MAST4: variants seen among roughly 807,000 people sequenced by gnomAD.
MAST4 encodes the protein microtubule-associated serine/threonine-protein kinase 4.
A neutral mutation model predicts 162.7 loss-of-function variants in MAST4; 89 were observed. The ratio of observed to expected loss-of-function variants is 0.55; its 90% CI spans 0.46 to 0.65. MAST4 has a LOEUF of 0.65. Among genes scored for constraint, MAST4 ranks in the 30% least tolerant of loss-of-function variants. MAST4 has a pLI of 0.00. For synonymous variants in MAST4, 1,479 were observed against 1,361.1 expected (o/e 1.09, Z -1.91); for missense variants, 3,153 against 3,374.0 (o/e 0.93, Z 1.62).
chr5:66,920,706 G>A (rs1764477421), intron 4 of MAST4, among the ~76,000 whole-genome samples: 2 of 152,044 alleles, frequency 1.3e-5, no homozygotes, highest in African/African-American at 4.8e-5. Flanking sequence ...GGTCAGGCTG[G>A]CCTCGAACTC....
chr5:66,877,627 C>T (rs1761394860), intron 3 of MAST4, among the ~76,000 whole-genome samples: 1 of 152,208 alleles, frequency 6.6e-6, no homozygotes. Flanking sequence ...GCATTCGCAA[C>T]TGCTTCCTCT....
At chr5:66,928,680 CT>C (rs1765081620) in intron 4 of MAST4, among the ~76,000 whole-genome samples, 1 of 152,112 alleles carries the variant, frequency 6.6e-6, no homozygotes, top group African/African-American at 2.4e-5. Flanking sequence ...ATAGATGCAC[CT>C]TCAGAGCACA....
intron 5 of MAST4, among the ~76,000 whole-genome samples, chr5:67,087,574 T>C (rs1180967246): frequency 1.3e-5 from 2 of 152,094 alleles, no homozygotes; most frequent in Non-Finnish European, 2.9e-5. Context: ...AGTCACCTTC[T>C]GTTTCTCCTC....
rs114492274 is a variant in MAST4, at chr5:66,936,161, G to T, written c.674+36179G>T. On this transcript the variant is annotated intron_variant, in intron 4 of 28. Coordinates refer to ENST00000403625, the MANE Select transcript of MAST4 (RefSeq NM_001164664.2). ...TTGTGTTATTCTGGTTTCAAAACGA[G>T]AAAGTGTGAATTTGCGTTGGGCAGG... 1.8e-3 allele frequency among the ~76,000 whole-genome samples: 268 copies of T among 152,324 alleles called. 1 individual carries two copies. The highest frequency in any genetic ancestry group is 6.2e-3 in the African/African-American group (259 of 41,578).
intron 1 of MAST4, among the ~76,000 whole-genome samples, chr5:66,712,019 A>C (rs573787895): frequency 2.0e-5 from 3 of 152,226 alleles, no homozygotes; most frequent in Non-Finnish European, 4.4e-5. Context: ...TCAGATTGCC[A>C]TACCTGTTGT....
intron 1 of MAST4, among the ~76,000 whole-genome samples, chr5:66,627,012 G>A (rs1348461065): frequency 6.6e-6 from 1 of 152,050 alleles, no homozygotes; most frequent in Non-Finnish European, 1.5e-5. Flanking sequence ...AAGATAGGAG[G>A]TTTGTATTAG....
chr5:66,990,468 C>G (rs1421090161), intron 4 of MAST4, among the ~76,000 whole-genome samples: 1 of 152,130 alleles, frequency 6.6e-6, no homozygotes, highest in African/African-American at 2.4e-5. Context: ...GAGACCTCGT[C>G]TCTACATAGA....
chr5:66,738,488 C>T (rs987386658), intron 1 of MAST4, among the ~76,000 whole-genome samples: 4 of 152,206 alleles, frequency 2.6e-5, no homozygotes, highest in African/African-American at 9.6e-5. Flanking sequence ...CTCTTCTAGC[C>T]TCTGGGGATT....
chr5:66,846,654 C>G (rs1385364169), intron 3 of MAST4, among the ~76,000 whole-genome samples: 1 of 152,082 alleles, frequency 6.6e-6, no homozygotes, highest in Non-Finnish European at 1.5e-5. Flanking sequence ...CTGGAACATT[C>G]TCTTGAAGGC....
intron 4 of MAST4, among the ~76,000 whole-genome samples, chr5:67,008,904 G>C (rs1483769449): frequency 1.3e-5 from 2 of 152,164 alleles, no homozygotes; most frequent in Non-Finnish European, 2.9e-5. Flanking sequence ...TACATCTGTA[G>C]TGTTTGATGA....
chr5:67,062,577 A>G (rs569520604), intron 5 of MAST4, among the ~76,000 whole-genome samples: 8 of 152,266 alleles, frequency 5.3e-5, no homozygotes, highest in African/African-American at 1.9e-4. Context: ...CAAGGCAATG[A>G]CCTCCTTTAG....
intron 4 of MAST4, among the ~76,000 whole-genome samples, chr5:67,022,520 G>A (rs1271632074): frequency 1.3e-5 from 2 of 152,060 alleles, no homozygotes; most frequent in African/African-American, 2.4e-5. Context: ...TCCCTCATGT[G>A]GAACTTGGGA....
chr5:67,139,704 A>T lies in MAST4; in HGVS notation c.2495-2411A>T, dbSNP rs146195256. Among the ~76,000 whole-genome samples, 860 of 152,330 alleles carry T rather than the reference A, an allele frequency of 5.6e-3. 9 individuals carry two copies. Among genetic ancestry groups the T allele is most frequent in the African/African-American group, 0.018 (751 of 41,582 alleles). Reference sequence around the variant, plus strand: ...TTTTACCTTCATAATGAATTCTTACAATGAGAACTATCATTTGCATGAGTG... The same window carrying T: ...TTTTACCTTCATAATGAATTCTTACTATGAGAACTATCATTTGCATGAGTG... On this transcript the variant is annotated intron_variant, in intron 19 of 28. Transcript: ENST00000403625.
chr5:66,916,652 C>G (rs1764138896), intron 4 of MAST4, among the ~76,000 whole-genome samples: 1 of 152,184 alleles, frequency 6.6e-6, no homozygotes, highest in South Asian at 2.1e-4. Flanking sequence ...ACTTCATATG[C>G]ATACAGGTGT....
intron 5 of MAST4, among the ~76,000 whole-genome samples, chr5:67,082,009 G>GT (rs1326138009): frequency 1.3e-5 from 2 of 152,012 alleles, no homozygotes; most frequent in Non-Finnish European, 2.9e-5. Flanking sequence ...ATGTACCTCT[G>GT]GATATGTTAC....
chr5:66,687,171 C>T (rs1748714125), intron 1 of MAST4, among the ~76,000 whole-genome samples: 1 of 151,970 alleles, frequency 6.6e-6, no homozygotes, highest in Non-Finnish European at 1.5e-5. Context: ...TTCTAGTGAA[C>T]CCATCACCCG....
At chr5:66,843,014 TG>T (rs1311717838) in intron 3 of MAST4, among the ~76,000 whole-genome samples, 1 of 152,194 alleles carries the variant, frequency 6.6e-6, no homozygotes, top group East Asian at 1.9e-4. Context: ...AGCCCTTAAA[TG>T]AACTCCTCCG....
intron 1 of MAST4, among the ~76,000 whole-genome samples, chr5:66,756,683 G>A (rs1052906681): frequency 3.3e-5 from 5 of 152,164 alleles, no homozygotes; most frequent in Admixed American, 3.3e-4. Context: ...ATAAATTGCA[G>A]GGCTGCAGTG....
At chr5:67,087,926 A>G (rs1298480726) in intron 5 of MAST4, among the ~76,000 whole-genome samples, 1 of 152,218 alleles carries the variant, frequency 6.6e-6, no homozygotes, top group African/African-American at 2.4e-5. Flanking sequence ...TGTTCAAGCA[A>G]TGGACCTAGA....
Sources: allele counts gnomAD v4.1 joint callset (sites outside exome capture counted in the v4.1 genomes callset), GRCh38; gene constraint gnomAD v4.1.1; transcripts MANE v1.5; gene names NCBI Gene and HGNC (gene_info 2026-07-23, HGNC 2026-07-21).